Variants in SYT7 observed in about 807,000 individuals in gnomAD.
The protein encoded by SYT7 is synaptotagmin-7.
A neutral mutation model predicts 75.1 loss-of-function variants in SYT7; 29 were observed. The ratio of observed to expected loss-of-function variants is 0.39; its 90% CI spans 0.29 to 0.53. The LOEUF (loss-of-function observed/expected upper bound fraction) is 0.53, where lower values mean the gene tolerates loss of function less well. Ranked by LOEUF, SYT7 falls within the 20% of genes least tolerant of loss-of-function variation. The pLI is 0.77. For missense variants in SYT7, 693 were observed against 953.2 expected, an observed-to-expected ratio of 0.73 and a Z score of 3.59; for synonymous variants, 376 against 401.7, an observed-to-expected ratio of 0.94 and a Z score of 0.76.
chr11:61,533,839 G>T, intron 7 of SYT7: 1 of 196,342 alleles, frequency 5.1e-6, no homozygotes, highest in Non-Finnish European at 9.2e-6. Flanking sequence ...GCCCCATATT[G>T]GATAGGGTGA....
intron 6 of SYT7, among the ~76,000 whole-genome samples, chr11:61,538,859 A>G (rs1339391965): frequency 1.3e-5 from 2 of 152,242 alleles, no homozygotes; most frequent in Non-Finnish European, 2.9e-5. Flanking sequence ...GAAGCCCTTC[A>G]TAGACAACGC....
chr11:61,562,627 C>G (rs1285595129), intron 1 of SYT7, among the ~76,000 whole-genome samples: 1 of 152,134 alleles, frequency 6.6e-6, no homozygotes, highest in Non-Finnish European at 1.5e-5. Flanking sequence ...TGGCAGAGGT[C>G]AGAGGTCACA....
chr11:61,573,736 G>A (rs1459728020), intron 1 of SYT7, among the ~76,000 whole-genome samples: 4 of 152,050 alleles, frequency 2.6e-5, no homozygotes, highest in Admixed American at 6.5e-5. Flanking sequence ...TGCCTCAACC[G>A]GCCAAGATCC....
At chr11:61,558,391 T>C (rs1308511457) in intron 1 of SYT7, among the ~76,000 whole-genome samples, 1 of 151,452 alleles carries the variant, frequency 6.6e-6, no homozygotes, top group East Asian at 1.9e-4. Flanking sequence ...GCATGGGGGT[T>C]GGAGGGGGGC....
At position 61,538,111 on chromosome 11, in the gene SYT7, G is replaced by A. The variant is rs868293775; in HGVS notation, c.1064+33C>T. On this transcript the variant is annotated intron_variant, in intron 7 of 12. Transcript: ENST00000539008. ...GCCTCTCCGCGCCTCCTTCTCTGCC[G>A]CCGCCGCCGCAGGCCCTCGCCTGTG... 66 of 1,533,510 alleles carry A rather than the reference G, an allele frequency of 4.3e-5. No homozygotes were observed. The Admixed American group carries it at 6.1e-4, about 14-fold the overall frequency. The allele number at this position is 1,533,510 out of a possible 1,614,324, so 95.0% of individuals were successfully genotyped here.
chr11:61,577,636 G>A (rs111389828), intron 1 of SYT7, among the ~76,000 whole-genome samples: 2,288 of 152,332 alleles, frequency 0.015, 52 homozygotes, highest in African/African-American at 0.051. Context: ...GAAGAGGCCC[G>A]CTGTGCCAAG....
Position 61,576,595 on chromosome 11 carries a change from C to G in SYT7, c.31+4195G>C, listed in dbSNP as rs2064086174. Among the ~76,000 whole-genome samples, 1 of 152,204 alleles carries G rather than the reference C, an allele frequency of 6.6e-6. No homozygotes were observed. The highest frequency in any genetic ancestry group is 2.4e-5 in the African/African-American group (1 of 41,448). On this transcript the variant is annotated intron_variant, in intron 1 of 12. Coordinates refer to ENST00000539008, the MANE Select transcript of SYT7 (RefSeq NM_001365809.2). This position sits in a 1 kb window ranked among gnomAD's most constrained non-coding sequence, Gnocchi z 4.1. Reference sequence around the variant, plus strand: ...CCCCACGTGACCCCTCCCAGCTCTTCTCCCTGCTGTTCTTCTGTTCTTGGC... The same window carrying G: ...CCCCACGTGACCCCTCCCAGCTCTTGTCCCTGCTGTTCTTCTGTTCTTGGC...
rs2062444214 is a variant in SYT7 at position 61,524,327 on chromosome 11, T to C, written c.1641+36A>G. ...ACCAGATCTCCCAGCCCTGCCCTGCTGCCTGTCCAGCTAAGACCCACCCAT... is the reference window on the plus strand; with the variant it reads ...ACCAGATCTCCCAGCCCTGCCCTGCCGCCTGTCCAGCTAAGACCCACCCAT... On this transcript the variant is annotated intron_variant, in intron 10 of 12. Coordinates refer to ENST00000539008, the MANE Select transcript of SYT7 (RefSeq NM_001365809.2). This position sits in a 1 kb window ranked among gnomAD's most constrained non-coding sequence, Gnocchi z 4.1. 2 of 1,611,040 alleles carry C rather than the reference T, an allele frequency of 1.2e-6. No individual in the cohort carries two copies. Among genetic ancestry groups the C allele is most frequent in the Non-Finnish European group, 1.7e-6 (2 of 1,178,506 alleles).
intron 1 of SYT7, among the ~76,000 whole-genome samples, chr11:61,557,420 T>G (rs2063527514): frequency 6.6e-6 from 1 of 152,222 alleles, no homozygotes; most frequent in South Asian, 2.1e-4. Context: ...TCTCTCTTGC[T>G]TGGCCATGGA....
chr11:61,518,472 C>T lies in SYT7; in HGVS notation c.*155G>A, dbSNP rs1029885405. 1.2e-4 allele frequency: 58 copies of T among 489,916 alleles called. No homozygotes were observed. The highest frequency in any genetic ancestry group is 1.2e-3 in the South Asian group (32 of 27,244). The allele number at this position is 489,916 out of a possible 1,614,324, so 30.3% of individuals were successfully genotyped here. On this transcript the variant is annotated 3_prime_UTR_variant, in exon 13 of 13. Transcript: ENST00000539008. ...GGATGGGGCTGGTACTTCCTAGAAA[C>T]GGGGCCCAGTTGAGTCCTGGGACCC...
At chr11:61,522,350 C>T (rs186360151) in intron 12 of SYT7, among the ~76,000 whole-genome samples, 2 of 151,818 alleles carry the variant, frequency 1.3e-5, no homozygotes, top group African/African-American at 2.4e-5. Context: ...CCACCATGCC[C>T]GGCTAATTTT....
intron 1 of SYT7, among the ~76,000 whole-genome samples, chr11:61,560,231 C>A (rs562566448): frequency 2.0e-5 from 3 of 152,142 alleles, no homozygotes; most frequent in Admixed American, 1.3e-4. Flanking sequence ...ACTAGAGGTA[C>A]GTGGTTAGTT....
At chr11:61,582,808 T>C (rs551001764), upstream of SYT7, among the ~76,000 whole-genome samples, 67 of 151,770 alleles carry the variant, frequency 4.4e-4, no homozygotes, top group African/African-American at 1.5e-3. Context: ...ACCCAGGAGT[T>C]ATCTACACTC....
chr11:61,564,946 A>G (rs1279403125), intron 1 of SYT7, among the ~76,000 whole-genome samples: 2 of 152,148 alleles, frequency 1.3e-5, no homozygotes, highest in Non-Finnish European at 2.9e-5. Flanking sequence ...TAGGAGTGGG[A>G]AGAGGAGGAC....
chr11:61,564,989 T>C (rs1007614497), intron 1 of SYT7, among the ~76,000 whole-genome samples: 3 of 152,322 alleles, frequency 2.0e-5, no homozygotes, highest in East Asian at 3.9e-4. Flanking sequence ...CCCAGGGCTC[T>C]ATCTCTGGTA....
At chr11:61,567,462 C>G (rs2135408615) in intron 1 of SYT7, among the ~76,000 whole-genome samples, 1 of 152,342 alleles carries the variant, frequency 6.6e-6, no homozygotes, top group Admixed American at 6.5e-5. Flanking sequence ...CTTTGCGCAG[C>G]TCCCAGCGAG....
chr11:61,578,068 G>T (rs969357259), intron 1 of SYT7, among the ~76,000 whole-genome samples: 1 of 152,198 alleles, frequency 6.6e-6, no homozygotes, highest in Non-Finnish European at 1.5e-5. Flanking sequence ...TGCAGGTCTG[G>T]TCTAGGGAGG....
chr11:61,560,430 G>A lies in SYT7; in HGVS notation c.32-4223C>T, dbSNP rs1248434550. Among the ~76,000 whole-genome samples the A allele has an allele frequency of 2.0e-5, 3 of 152,178 alleles. No homozygotes were observed. In the East Asian group the frequency reaches 5.8e-4, roughly 29 times the overall value. ...AGAAGGGGTTGTGTTGCTAAGGAAA[G>A]TTGAACTCTTCTGGATGAGTGGCCC... On this transcript the variant is annotated intron_variant, in intron 1 of 12. Transcript: ENST00000539008.
chr11:61,519,295 CT>C (rs1401348086), intron 12 of SYT7, among the ~76,000 whole-genome samples: 10 of 152,242 alleles, frequency 6.6e-5, no homozygotes, highest in Non-Finnish European at 1.2e-4. Context: ...GTCTTTGGAG[CT>C]CTATGCTACC....
Sources: gnomAD v4.1 joint callset for allele counts (sites outside exome capture counted in the v4.1 genomes callset) on GRCh38, gnomAD v4.1.1 for gene constraint, Gnocchi (gnomAD v3.1) non-coding constraint, MANE v1.5 for transcripts, NCBI Gene and HGNC (gene_info 2026-07-23, HGNC 2026-07-21) for gene names.